The following TARS2 variants were observed in gnomAD, a reference collection of about 807,000 sequenced individuals.
The protein encoded by TARS2 is threonyl-tRNA synthetase 2, mitochondrial.
In TARS2, 61 loss-of-function variants were observed where a neutral mutation model predicts 94.4. That is an observed-to-expected ratio of 0.65 (90% CI 0.53 to 0.80). TARS2 has a LOEUF of 0.80. Among genes scored for constraint, TARS2 ranks in the 30% least tolerant of loss-of-function variants. The probability of loss-of-function intolerance (pLI) is 0.00; values close to 1 mark genes in which losing one functional copy is unlikely to be tolerated. For synonymous variants in TARS2, 359 were observed against 353.4 expected (o/e 1.02, Z -0.18); for missense variants, 704 against 902.5 (o/e 0.78, Z 2.82).
chr1:150,498,420 T>C, intron 10 of TARS2, 82 bp from the exon 11 acceptor site: 1 of 1,482,624 alleles, frequency 6.7e-7, no homozygotes, highest in Non-Finnish European at 8.9e-7. Context: ...GCAGAGAAAG[T>C]AGGCAAGCAG....
chr1:150,496,436 G>C (rs1185407292), intron 7 of TARS2, 46 bp from the exon 8 acceptor site: 1 of 1,548,170 alleles, frequency 6.5e-7, no homozygotes, highest in African/African-American at 1.4e-5. Flanking sequence ...AAAGGTGGGG[G>C]CCTTCAGTCC....
At chr1:150,504,611 C>G (rs745981486) in intron 14 of TARS2, 21 bp from the exon 15 acceptor site, 44 of 1,609,174 alleles carry the variant, frequency 2.7e-5, no homozygotes, top group African/African-American at 4.0e-5. Flanking sequence ...TTCCATCCAC[C>G]CCCCCCTTTT....
intron 7 of TARS2, among the ~76,000 whole-genome samples, chr1:150,493,069 G>A (rs1272664499): frequency 6.6e-6 from 1 of 151,934 alleles, no homozygotes; most frequent in Non-Finnish European, 1.5e-5. Context: ...TTTTAGTAGA[G>A]ACAGGGTTTC....
intron 7 of TARS2, among the ~76,000 whole-genome samples, chr1:150,495,602 G>A (rs1247891491): frequency 6.7e-6 from 1 of 148,162 alleles, no homozygotes; most frequent in Admixed American, 6.7e-5. Flanking sequence ...CACCATGTTG[G>A]TCAGGCTGGT....
intron 13 of TARS2, among the ~76,000 whole-genome samples, chr1:150,501,709 T>G (rs1669930199): frequency 1.3e-5 from 2 of 151,916 alleles, no homozygotes; most frequent in South Asian, 4.1e-4. Context: ...TCCCAGCTAC[T>G]CAAGAGGCTG....
chr1:150,489,965 C>T (rs1053786745), intron 3 of TARS2, among the ~76,000 whole-genome samples: 1 of 151,876 alleles, frequency 6.6e-6, no homozygotes, highest in Non-Finnish European at 1.5e-5. Context: ...ATTCTGAAGC[C>T]CTAAAAGCTT....
At chr1:150,506,475 G>GAC (rs202002782) in intron 17 of TARS2, among the ~76,000 whole-genome samples, 1 of 73,216 alleles carries the variant, frequency 1.4e-5, no homozygotes, top group Non-Finnish European at 2.8e-5. Flanking sequence ...ACCCCCTTCA[G>GAC]ACACGCGCGC....
intron 10 of TARS2, among the ~76,000 whole-genome samples, chr1:150,498,044 G>A (rs587604777): frequency 2.2e-4 from 32 of 145,646 alleles, no homozygotes; most frequent in African/African-American, 7.9e-4. Flanking sequence ...AGTGAGCCGA[G>A]ATCGCGCCAC....
intron 13 of TARS2, among the ~76,000 whole-genome samples, chr1:150,499,525 G>A (rs587760457): frequency 7.9e-5 from 12 of 151,960 alleles, no homozygotes; most frequent in Non-Finnish European, 1.5e-4. Flanking sequence ...CACCACACCC[G>A]GCTAATTTTT....
rs1338779481 is a variant in TARS2, at chr1:150,490,627, C to T, written c.414C>T (p.Val138=). The change falls in exon 4 of 18, where the codon GTC becomes GTT. Residue 138 remains valine, a synonymous_variant. Transcript: ENST00000369064. ...KAVFWHSSTH[V]LGAAAEQFLG... The stretch of plus-strand genomic sequence containing the variant: ...TGTTCTGGCACTCCAGCACCCATGT[C>T]CTGGGGGCAGCAGCTGAACAATTCC... 1 of 1,613,790 alleles carries T rather than the reference C, an allele frequency of 6.2e-7. No homozygotes were observed. Among genetic ancestry groups the T allele is most frequent in the Non-Finnish European group, 8.5e-7 (1 of 1,179,964 alleles).
chr1:150,503,627 A>ATGTGTGTGTGTG (rs1560257509), intron 13 of TARS2, among the ~76,000 whole-genome samples: 1 of 123,790 alleles, frequency 8.1e-6, no homozygotes, highest in Non-Finnish European at 1.7e-5. Flanking sequence ...ATGTGTGTGT[A>ATGTGTGTGTGTG]TATATGTGTG....
At chr1:150,505,036 C>A in intron 16 of TARS2, 58 bp downstream of exon 16, 1 of 1,574,658 alleles carries the variant, frequency 6.4e-7, no homozygotes, top group East Asian at 2.3e-5. Flanking sequence ...GTCTGGTGCC[C>A]TGCAGTGGGC....
Position 150,498,614 on chromosome 1 carries a change from C to CT in TARS2, c.1352dup (p.Arg452AlafsTer7). 6.2e-7 allele frequency: 1 copy of CT among 1,612,518 alleles called. No homozygotes were observed. The highest frequency in any genetic ancestry group is 2.2e-5 in the East Asian group (1 of 44,868). ...TGGTGGTCTGGGGGGACTGACCCGA[C>CT]TGCGGTGCTTCCAGCAGGATGACGC... On this transcript the variant is annotated frameshift_variant, in exon 11 of 18. Coordinates refer to ENST00000369064, the MANE Select transcript of TARS2 (RefSeq NM_025150.5). LOFTEE classifies it high-confidence loss of function.
chr1:150,507,008 C>T lies in TARS2; in HGVS notation c.2101C>T (p.Gln701Ter). 6.2e-7 allele frequency: 1 copy of T among 1,614,152 alleles called. No homozygotes were observed. Among genetic ancestry groups the T allele is most frequent in the South Asian group, 1.1e-5 (1 of 91,076 alleles). The change falls in exon 18 of 18, where the codon CAG (glutamine) becomes TAG (stop). Residue 701 changes from glutamine to a stop codon, truncating the protein, a stop_gained. Transcript: ENST00000369064. LOFTEE classifies it high-confidence loss of function. ...GGAGTGGGACTTGCCTGAGGCTGTG[C>T]AGCGACTGGTGGAGCTACAGAACAC... ...LGEWDLPEAVQRLVELQNTRV... is the reference protein window; with the variant it reads ...LGEWDLPEAV
At chr1:150,495,016 A>G (rs1669596012) in intron 7 of TARS2, among the ~76,000 whole-genome samples, 1 of 151,456 alleles carries the variant, frequency 6.6e-6, no homozygotes, top group Admixed American at 6.6e-5. Flanking sequence ...CCTGTCTACT[A>G]AAAATACAAA....
intron 4 of TARS2, 66 bp from the exon 5 acceptor site, chr1:150,491,328 A>G: frequency 6.6e-7 from 1 of 1,514,706 alleles, no homozygotes; most frequent in African/African-American, 1.4e-5. Flanking sequence ...GCTAGCCAAC[A>G]GGTGTGTCAC....
At position 150,487,946 on chromosome 1, in the gene TARS2, G is replaced by A; in HGVS notation, c.155G>A (p.Ser52Asn). The change falls in exon 2 of 18, where the codon AGC becomes AAC. Residue 52 changes from serine to asparagine, a missense_variant. This residue lies in a region of TARS2 where 208 missense variants were observed against 228.5 expected (regional missense o/e 0.91). Coordinates refer to ENST00000369064, the MANE Select transcript of TARS2 (RefSeq NM_025150.5). The stretch of plus-strand genomic sequence containing the variant: ...GCTGCTCAGGTAAAGAGATTAGCAA[G>A]CATGGCACAGAAGGAACCCCGGACT... The part of the protein sequence containing the change: ...LWAAQVKRLA[S>N]MAQKEPRTIK... 6.2e-7 allele frequency: 1 copy of A among 1,614,086 alleles called. No individual in the cohort carries two copies. Among genetic ancestry groups the A allele is most frequent in the African/African-American group, 1.3e-5 (1 of 75,022 alleles).
intron 10 of TARS2, among the ~76,000 whole-genome samples, chr1:150,498,058 A>G (rs1297876405): frequency 6.9e-6 from 1 of 145,776 alleles, no homozygotes; most frequent in Non-Finnish European, 1.5e-5. Context: ...GCGCCACTGC[A>G]CTCCAGCCTG....
At chr1:150,489,726 A>C (rs2102474232) in intron 3 of TARS2, among the ~76,000 whole-genome samples, 1 of 152,290 alleles carries the variant, frequency 6.6e-6, no homozygotes, top group African/African-American at 2.4e-5. Context: ...GGATCATCTG[A>C]GGTCAAGAGT....
Sources: allele counts gnomAD v4.1 joint callset (sites outside exome capture counted in the v4.1 genomes callset), GRCh38; gene constraint gnomAD v4.1.1; regional missense constraint gnomAD v4.1.1; transcripts MANE v1.5; gene names NCBI Gene and HGNC (gene_info 2026-07-23, HGNC 2026-07-21).